CSMD1: variants seen among roughly 807,000 people sequenced by gnomAD.
The protein encoded by CSMD1 is CUB and sushi domain-containing protein 1.
A neutral mutation model predicts 417.5 loss-of-function variants in CSMD1; 213 were observed. The ratio of observed to expected loss-of-function variants is 0.51; its 90% CI spans 0.46 to 0.57. The LOEUF is 0.57. CSMD1 is among the 20% of genes least tolerant of loss of function. The pLI is 0.00. For synonymous variants in CSMD1, 2,862 were observed against 1,736.8 expected, an observed-to-expected ratio of 1.65 and a Z score of -16.11; for missense variants, 6,923 against 4,529.7, an observed-to-expected ratio of 1.53 and a Z score of -15.17.
At chr8:3,762,984 T>G (rs1311890203) in intron 5 of CSMD1, among the ~76,000 whole-genome samples, 2 of 152,188 alleles carry the variant, frequency 1.3e-5, no homozygotes, top group African/African-American at 4.8e-5. Flanking sequence ...ACCATGACAT[T>G]TGGTGTAGTC....
chr8:4,335,359 A>T (rs896119677), intron 3 of CSMD1, among the ~76,000 whole-genome samples: 2 of 152,122 alleles, frequency 1.3e-5, no homozygotes, highest in African/African-American at 4.8e-5. Flanking sequence ...CATTCAATCT[A>T]TAGGAATCTG....
At chr8:3,051,102 T>C (rs765442158) in intron 50 of CSMD1, among the ~76,000 whole-genome samples, 1 of 152,202 alleles carries the variant, frequency 6.6e-6, no homozygotes, top group Non-Finnish European at 1.5e-5. Flanking sequence ...ACTGGGTATA[T>C]ACCCAAAGGA....
chr8:3,345,852 C>T (rs1293492734), intron 22 of CSMD1, among the ~76,000 whole-genome samples: 4 of 152,186 alleles, frequency 2.6e-5, no homozygotes, highest in Non-Finnish European at 5.9e-5. Flanking sequence ...AAACTATACC[C>T]TGCAGATTTA....
At chr8:3,622,741 G>A (rs1003774763) in intron 7 of CSMD1, among the ~76,000 whole-genome samples, 1 of 152,026 alleles carries the variant, frequency 6.6e-6, no homozygotes, top group Non-Finnish European at 1.5e-5. Context: ...AAAGTATGCT[G>A]ACACACTGTA....
At chr8:4,879,340 G>C (rs1485375017) in intron 1 of CSMD1, among the ~76,000 whole-genome samples, 1 of 151,992 alleles carries the variant, frequency 6.6e-6, no homozygotes, top group Non-Finnish European at 1.5e-5. Context: ...TAGGAAGTTA[G>C]GAAAGTGAGA....
chr8:3,251,971 C>T (rs1369424524), intron 26 of CSMD1, among the ~76,000 whole-genome samples: 1 of 152,178 alleles, frequency 6.6e-6, no homozygotes, highest in Admixed American at 6.5e-5. Flanking sequence ...TGGGCTGAGA[C>T]AATGCGGTTT....
chr8:4,782,484 T>G (rs1797204520), intron 1 of CSMD1, among the ~76,000 whole-genome samples: 1 of 152,192 alleles, frequency 6.6e-6, no homozygotes, highest in South Asian at 2.1e-4. Flanking sequence ...AAATCTTATT[T>G]AAGGACCAGA....
At chr8:4,648,901 G>T (rs908289510) in intron 1 of CSMD1, among the ~76,000 whole-genome samples, 2 of 152,136 alleles carry the variant, frequency 1.3e-5, no homozygotes, top group South Asian at 2.1e-4. Context: ...GTGTGCTTCC[G>T]CATATACGTA....
At chr8:3,639,625 T>C (rs1797209760) in intron 7 of CSMD1, among the ~76,000 whole-genome samples, 2 of 152,204 alleles carry the variant, frequency 1.3e-5, no homozygotes, top group South Asian at 4.1e-4. Flanking sequence ...TGATTCTAAA[T>C]CCCAATTCCC....
intron 11 of CSMD1, among the ~76,000 whole-genome samples, chr8:3,487,256 C>T (rs1293378461): frequency 4.6e-5 from 7 of 152,102 alleles, no homozygotes; most frequent in Admixed American, 2.0e-4. Context: ...GGCTGGAGTG[C>T]AGTGGCGCGA....
At chr8:4,622,005 A>G (rs1238293022) in intron 2 of CSMD1, among the ~76,000 whole-genome samples, 1 of 152,096 alleles carries the variant, frequency 6.6e-6, no homozygotes, top group African/African-American at 2.4e-5. Context: ...TCAGCAAACT[A>G]CTAATGATAG....
chr8:3,096,980 C>T lies in CSMD1; in HGVS notation c.7007G>A (p.Gly2336Glu). ...TGSSGVILSPGYPGNYFNSQT... is the reference protein window; with the variant it reads ...TGSSGVILSPEYPGNYFNSQT... The stretch of plus-strand genomic sequence containing the variant: ...GGAGTTAAAATAATTACCCGGATAC[C>T]CTGGACTGAGAATGACTCCCGATGA... Residue 2336 changes from glycine (G) to glutamate (E), a missense_variant, in exon 47 of 70, where the codon GGG (glycine) becomes GAG (glutamate). Transcript: ENST00000635120. The T allele has an allele frequency of 6.4e-7, 1 of 1,555,620 alleles. No individual in the cohort carries two copies. The highest frequency in any genetic ancestry group is 8.7e-7 in the Non-Finnish European group (1 of 1,148,774).
At chr8:4,062,958 C>T (rs1459335533) in intron 3 of CSMD1, among the ~76,000 whole-genome samples, 1 of 151,664 alleles carries the variant, frequency 6.6e-6, no homozygotes, top group East Asian at 1.9e-4. Context: ...TTAACAACAT[C>T]ATCCAGATAA....
rs189096603 is a variant in CSMD1, at chr8:3,975,345, C to G, written c.818+22558G>C. On this transcript the variant is annotated intron_variant, in intron 5 of 69. Coordinates refer to ENST00000635120, the MANE Select transcript of CSMD1 (RefSeq NM_033225.6). ...CAGTTTGGATGTTTGTGGACATGAA[C>G]TGCAATATAATAATGTTATGTTTCT... Among the ~76,000 whole-genome samples, 6 of 152,204 alleles carry G rather than the reference C, an allele frequency of 3.9e-5. No individual in the cohort carries two copies. In the East Asian group the frequency reaches 1.2e-3, roughly 29 times the overall value.
At chr8:3,240,082 G>T (rs7837842) in intron 26 of CSMD1, among the ~76,000 whole-genome samples, 1 of 152,002 alleles carries the variant, frequency 6.6e-6, no homozygotes, top group Non-Finnish European at 1.5e-5. Flanking sequence ...GATTAGGGTG[G>T]TGGCGGCTGC....
chr8:4,546,513 C>G (rs1797642736), intron 2 of CSMD1, among the ~76,000 whole-genome samples: 1 of 152,174 alleles, frequency 6.6e-6, no homozygotes, highest in Non-Finnish European at 1.5e-5. Flanking sequence ...GGTGAATTTT[C>G]TCTTTTCCAG....
chr8:4,372,838 T>C (rs755931816), intron 3 of CSMD1, among the ~76,000 whole-genome samples: 1 of 152,104 alleles, frequency 6.6e-6, no homozygotes, highest in Non-Finnish European at 1.5e-5. Flanking sequence ...AAAGCCCAAT[T>C]TCCAGTGCAG....
At chr8:4,804,328 G>T (rs1053524742) in intron 1 of CSMD1, among the ~76,000 whole-genome samples, 5 of 152,090 alleles carry the variant, frequency 3.3e-5, no homozygotes, top group African/African-American at 1.2e-4. Flanking sequence ...CTCATGCTAT[G>T]GAATGTTCAG....
rs967719600 is a variant in CSMD1 at position 4,067,034 on chromosome 8, G to A, written c.416-34935C>T. 3.9e-5 allele frequency among the ~76,000 whole-genome samples: 6 copies of A among 152,356 alleles called. No individual in the cohort carries two copies. The East Asian group carries it at 1.2e-3, about 29-fold the overall frequency. ...AACATGAGCTCTTAGTTTTGTGTAT[G>A]ATGAAAATCAAGTGTTGCCACATGG... On this transcript the variant is annotated intron_variant, in intron 3 of 69. Transcript: ENST00000635120.
Sources: gnomAD v4.1 joint callset for allele counts (sites outside exome capture counted in the v4.1 genomes callset) on GRCh38, gnomAD v4.1.1 for gene constraint, MANE v1.5 for transcripts, NCBI Gene and HGNC (gene_info 2026-07-23, HGNC 2026-07-21) for gene names.